NHSL2: variants seen among roughly 807,000 people sequenced by gnomAD.
NHSL2 encodes the protein NHS like 2, also known as NHS-like protein 2.
Under a neutral mutation model 53.4 loss-of-function variants are expected in NHSL2, and 27 were observed. That is an observed-to-expected ratio of 0.51 (90% confidence interval 0.37 to 0.70). The LOEUF (loss-of-function observed/expected upper bound fraction) is 0.70, where lower values mean the gene tolerates loss of function less well. NHSL2 is among the 30% of genes least tolerant of loss of function. NHSL2 has a pLI of 0.00. For missense variants in NHSL2, 892 were observed against 980.1 expected (o/e 0.91, Z 1.20); for synonymous variants, 408 against 404.1 (o/e 1.01, Z -0.12).
chrX:71,934,984 C>A (rs927921767), intron 1 of NHSL2, among the ~76,000 whole-genome samples: 1 of 111,357 alleles, frequency 9.0e-6, no homozygotes, highest in Non-Finnish European at 1.9e-5. Context: ...TGTTTTGTAA[C>A]AATATAACTG....
At chrX:71,938,177 T>A (rs1013198057) in intron 1 of NHSL2, among the ~76,000 whole-genome samples, 13 of 112,118 alleles carry the variant, frequency 1.2e-4, no homozygotes, top group African/African-American at 3.6e-4. Context: ...GACTTGCTCC[T>A]AGCTGATGAA....
At chrX:71,969,947 A>G (rs952062453) in intron 1 of NHSL2, among the ~76,000 whole-genome samples, 2 of 111,117 alleles carry the variant, frequency 1.8e-5, no homozygotes, top group African/African-American at 6.6e-5. Flanking sequence ...GTTTCCTTCT[A>G]TTTCTAGTAT....
intron 1 of NHSL2, chrX:72,129,650 C>T (rs1393900462): frequency 1.3e-5 from 6 of 464,091 alleles, no homozygotes; most frequent in Non-Finnish European, 2.1e-5. Flanking sequence ...CCTGGTTGGG[C>T]ACACGTCGCT....
chrX:72,129,529 C>T (rs1490279805), intron 1 of NHSL2: 4 of 293,004 alleles, frequency 1.4e-5, no homozygotes, highest in African/African-American at 2.7e-5. Context: ...AGAGGGTGAC[C>T]AGTTCATTTA....
At chrX:71,933,970 G>A (rs2041725744) in intron 1 of NHSL2, among the ~76,000 whole-genome samples, 1 of 111,162 alleles carries the variant, frequency 9.0e-6, no homozygotes, top group African/African-American at 3.3e-5. Flanking sequence ...TTTGATCTGC[G>A]ATCAGGCACC....
intron 1 of NHSL2, among the ~76,000 whole-genome samples, chrX:72,027,995 CGCTGCTGCTGCTGCT>C (rs1207111467): frequency 9.0e-6 from 1 of 111,161 alleles, no homozygotes; most frequent in Non-Finnish European, 1.9e-5. Flanking sequence ...CTGCTGCTGC[CGCTGCTGCTGCTGCT>C]GCCACTGCTG....
intron 1 of NHSL2, among the ~76,000 whole-genome samples, chrX:71,964,351 A>T (rs959572512): frequency 2.8e-5 from 3 of 107,811 alleles, no homozygotes; most frequent in Non-Finnish European, 5.7e-5. Context: ...GCTGAGAATG[A>T]TGGTTTCCAG....
intron 1 of NHSL2, among the ~76,000 whole-genome samples, chrX:72,117,548 C>T: frequency 9.1e-6 from 1 of 109,629 alleles, no homozygotes; most frequent in Middle Eastern, 4.6e-3. Context: ...AACAATTTTT[C>T]ATCCCAGAGA....
chrX:72,106,854 A>G (rs1238805759), intron 1 of NHSL2, among the ~76,000 whole-genome samples: 1 of 110,482 alleles, frequency 9.1e-6, no homozygotes, highest in Non-Finnish European at 1.9e-5. Flanking sequence ...TCAGCAAACT[A>G]TCACAAGGAC....
chrX:71,992,028 G>A (rs766907993), intron 1 of NHSL2, among the ~76,000 whole-genome samples: 1 of 113,253 alleles, frequency 8.8e-6, no homozygotes, highest in South Asian at 3.6e-4. Context: ...CTCACTGGGA[G>A]ATGCTAGACA....
intron 1 of NHSL2, among the ~76,000 whole-genome samples, chrX:72,015,130 T>C (rs1988142013): frequency 9.0e-6 from 1 of 111,470 alleles, no homozygotes; most frequent in Non-Finnish European, 1.9e-5. Context: ...CTGGGATATA[T>C]GAGGCAAAAC....
chrX:71,991,557 A>C (rs1356811688), intron 1 of NHSL2, among the ~76,000 whole-genome samples: 1 of 112,407 alleles, frequency 8.9e-6, no homozygotes, highest in Non-Finnish European at 1.9e-5. Context: ...GCAGAGGGAG[A>C]TTTTATTCCA....
At chrX:71,926,913 C>G (rs1036688343) in intron 1 of NHSL2, among the ~76,000 whole-genome samples, 2 of 111,228 alleles carry the variant, frequency 1.8e-5, no homozygotes, top group Non-Finnish European at 3.8e-5. Context: ...AGTTCCTTCT[C>G]TTTCCTGGGT....
At chrX:72,121,144 G>A (rs1190338812) in intron 1 of NHSL2, among the ~76,000 whole-genome samples, 1 of 112,235 alleles carries the variant, frequency 8.9e-6, no homozygotes, top group Non-Finnish European at 1.9e-5. Flanking sequence ...CCAGGACTGT[G>A]CTTCTCTATT....
At chrX:72,040,667 G>C (rs2042269400) in intron 1 of NHSL2, among the ~76,000 whole-genome samples, 1 of 112,286 alleles carries the variant, frequency 8.9e-6, no homozygotes, top group Admixed American at 9.4e-5. Context: ...AGTGTGCCAG[G>C]CTCTGTGCCA....
chrX:72,133,757 G>A (rs2042329369), intron 2 of NHSL2: 1 of 146,235 alleles, frequency 6.8e-6, no homozygotes, highest in Non-Finnish European at 1.3e-5. Context: ...TTCAAAGAGA[G>A]GAACTTGCAG....
In NHSL2 at chrX:72,088,234, A is replaced by AAAAAAC. The variant is rs1377451694; in HGVS notation, c.281-43832_281-43827dup. On this transcript the variant is annotated intron_variant, in intron 1 of 7. Coordinates refer to ENST00000633930, the MANE Select transcript of NHSL2 (RefSeq NM_001013627.3). The stretch of plus-strand genomic sequence containing the variant: ...CAACAAGAGCGAAACTCCATCTCAA[A>AAAAAAC]AAAAACAAAAACAAAAACTGGTTAG... Among the ~76,000 whole-genome samples, 3 of 112,368 alleles carry AAAAAAC rather than the reference A, an allele frequency of 2.7e-5. No individual in the cohort carries two copies. In the East Asian group the frequency reaches 8.3e-4, roughly 31 times the overall value.
At chrX:71,916,894 A>C (rs962145746) in intron 1 of NHSL2, among the ~76,000 whole-genome samples, 16 of 112,084 alleles carry the variant, frequency 1.4e-4, no homozygotes, top group African/African-American at 5.2e-4. Context: ...TGCTTGGTGG[A>C]TCTGCAAACT....
intron 1 of NHSL2, among the ~76,000 whole-genome samples, chrX:71,933,384 C>CTTTTTT (rs199702755): frequency 9.9e-6 from 1 of 100,550 alleles, no homozygotes; most frequent in Non-Finnish European, 2.0e-5. Flanking sequence ...GTGCACTTAA[C>CTTTTTT]TTTTTTTTTT....
Sources: gnomAD v4.1 joint callset for allele counts (sites outside exome capture counted in the v4.1 genomes callset) on GRCh38, gnomAD v4.1.1 for gene constraint, MANE v1.5 for transcripts, NCBI Gene and HGNC (gene_info 2026-07-23, HGNC 2026-07-21) for gene names.